KERA: variants seen among roughly 807,000 people sequenced by gnomAD.
KERA encodes the protein keratan sulfate proteoglycan keratocan.
In KERA, 25 loss-of-function variants were observed where a neutral mutation model predicts 26.4. That is an observed-to-expected ratio of 0.95 (90% confidence interval 0.69 to 1.32). The LOEUF is 1.32. KERA is among the 40% of genes most tolerant of loss of function. KERA has a pLI of 0.00. For synonymous variants in KERA, 167 were observed against 146.1 expected (o/e 1.14, Z -1.03); for missense variants, 434 against 408.9 (o/e 1.06, Z -0.53).
At position 91,057,975 on chromosome 12, in the gene KERA, A is replaced by C. The variant is rs886287368; in HGVS notation, c.-240T>G. 6.6e-6 allele frequency: 1 copy of C among 150,938 alleles called. No individual in the cohort carries two copies. Among genetic ancestry groups the C allele is most frequent in the African/African-American group, 2.4e-5 (1 of 41,202 alleles). The allele number at this position is 150,938 out of a possible 1,614,324, so 9.3% of individuals were successfully genotyped here. A position where few individuals can be genotyped will look rare whatever the true frequency, so the allele number is the denominator to read the frequency against. On this transcript the variant is annotated 5_prime_UTR_variant, in exon 1 of 3. Transcript: ENST00000266719. ...AGACTGCTTACCTCAGCCTTCTTGG[A>C]TCTTCTTCTTCCTTTTCTATTGGTC...
chr12:91,054,758 C>T (rs1878948378), intron 2 of KERA, among the ~76,000 whole-genome samples: 1 of 151,240 alleles, frequency 6.6e-6, no homozygotes, highest in Non-Finnish European at 1.5e-5. Context: ...TTAATAAAGC[C>T]TTAAACTATA....
intron 2 of KERA, 47 bp from the exon 3 acceptor site, chr12:91,051,565 A>G: frequency 1.4e-6 from 2 of 1,453,920 alleles, no homozygotes; most frequent in Non-Finnish European, 1.9e-6. Context: ...CACAAGAGAA[A>G]CTAACAGTGG....
rs747414542 is a variant in KERA, at chr12:91,055,746, A to G, written c.536T>C (p.Val179Ala). The G allele has an allele frequency of 1.2e-6, 2 of 1,611,448 alleles. No homozygotes were observed. Among genetic ancestry groups the G allele is most frequent in the South Asian group, 2.2e-5 (2 of 91,030 alleles). The change falls in exon 2 of 3, where the codon GTG (valine) becomes GCG (alanine). Residue 179 changes from valine (V) to alanine (A), a missense_variant. By Grantham distance (64) the Val-to-Ala change is moderately conservative. Coordinates refer to ENST00000266719, the MANE Select transcript of KERA (RefSeq NM_007035.4). ...AGTGTCTCTTTGAAAGGCATTGTCC[A>G]CTAATTTGTTGTTCTGTAGGTCAAG... ...TLLDLQNNKLVDNAFQRDTFK... is the reference protein window; with the variant it reads ...TLLDLQNNKLADNAFQRDTFK...
intron 2 of KERA, among the ~76,000 whole-genome samples, chr12:91,055,114 G>A (rs544578919): frequency 1.5e-4 from 21 of 142,210 alleles, no homozygotes; most frequent in African/African-American, 5.2e-4. Flanking sequence ...ATCTCCTGGA[G>A]TAAAAGAAGA....
chr12:91,054,058 T>A (rs184157501), intron 2 of KERA, among the ~76,000 whole-genome samples: 32 of 151,464 alleles, frequency 2.1e-4, no homozygotes, highest in African/African-American at 7.2e-4. Flanking sequence ...TTCTGTTGCA[T>A]CTTTTGTTTT....
chr12:91,055,701 A>G lies in KERA; in HGVS notation c.581T>C (p.Leu194Pro). 1.2e-6 allele frequency: 2 copies of G among 1,611,388 alleles called. No individual in the cohort carries two copies. Among genetic ancestry groups the G allele is most frequent in the East Asian group, 2.2e-5 (1 of 44,782 alleles). ...ATTCTTGGCCATGTTTAGCTGCATG[A>G]GATTCTTGAGTCCTTTAAAAGTGTC... ...QRDTFKGLKN[L>P]MQLNMAKNAL... Residue 194 changes from leucine to proline, a missense_variant, in exon 2 of 3, where the codon CTC (leucine) becomes CCC (proline). Leu to Pro is a moderately conservative substitution (Grantham distance 98). Coordinates refer to ENST00000266719, the MANE Select transcript of KERA (RefSeq NM_007035.4).
At position 91,053,052 on chromosome 12, in the gene KERA, T is replaced by C. The variant is rs569516468; in HGVS notation, c.887-1534A>G. 6.6e-4 allele frequency among the ~76,000 whole-genome samples: 100 copies of C among 151,590 alleles called. 2 individuals are homozygous for C. In the South Asian group the frequency reaches 0.02, roughly 30 times the overall value. On this transcript the variant is annotated intron_variant, in intron 2 of 2. Coordinates refer to ENST00000266719, the MANE Select transcript of KERA (RefSeq NM_007035.4). ...ATCATATTGCTTAAGACAAGTTCACTGTCTCATAAATTTTGATGTCTTTTC... is the reference window on the plus strand; with the variant it reads ...ATCATATTGCTTAAGACAAGTTCACCGTCTCATAAATTTTGATGTCTTTTC...
rs1012453237 is a variant in KERA at position 91,051,264 on chromosome 12, G to T, written c.*82C>A. On this transcript the variant is annotated 3_prime_UTR_variant, in exon 3 of 3. Transcript: ENST00000266719. ...CCGAGAGCAATGGGGAATATGACTT[G>T]TGTCCTAAACCTATTAATGGTAACC... 1.7e-6 allele frequency: 2 copies of T among 1,148,506 alleles called. No individual in the cohort carries two copies. The highest frequency in any genetic ancestry group is 2.6e-6 in the Non-Finnish European group (2 of 766,326). 71.1% of individuals were successfully genotyped at this position (1,148,506 alleles called of 1,614,324 possible). A position where few individuals can be genotyped will look rare whatever the true frequency, so the allele number is the denominator to read the frequency against.
At position 91,051,380 on chromosome 12, in the gene KERA, G is replaced by A. The variant is rs780346887; in HGVS notation, c.1025C>T (p.Thr342Ile). 4.3e-6 allele frequency: 7 copies of A among 1,611,276 alleles called. No individual in the cohort carries two copies. The highest frequency in any genetic ancestry group is 4.2e-6 in the Non-Finnish European group (5 of 1,178,098). Residue 342 changes from threonine to isoleucine, a missense_variant, in exon 3 of 3, where the codon ACC becomes ATC. Coordinates refer to ENST00000266719, the MANE Select transcript of KERA (RefSeq NM_007035.4). The part of the protein sequence containing the change: ...IKPPIPMALM[T>I]CFRLLQAVII ...GACAGCCTGCAGAAGTCTGAAGCAG[G>A]TCATTAAAGCCATTGGAATTGGTGG...
Position 91,056,041 on chromosome 12 carries a change from T to G in KERA, c.241A>C (p.Asn81His), listed in dbSNP as rs761217146. Residue 81 changes from asparagine (N) to histidine (H), a missense_variant, in exon 2 of 3, where the codon AAC (asparagine) becomes CAC (histidine). Asn to His is a moderately conservative substitution (Grantham distance 68, BLOSUM62 1). Coordinates refer to ENST00000266719, the MANE Select transcript of KERA (RefSeq NM_007035.4). Reference sequence around the variant, plus strand: ...TTTTCAGGAATGGTTTCTATCAGGTTGTTTTGAAGATAAAGATACCAAATT... The same window carrying G: ...TTTTCAGGAATGGTTTCTATCAGGTGGTTTTGAAGATAAAGATACCAAATT... ...SRIWYLYLQN[N>H]LIETIPEKPF... 6.2e-7 allele frequency: 1 copy of G among 1,608,888 alleles called. No individual in the cohort carries two copies. Among genetic ancestry groups the G allele is most frequent in the South Asian group, 1.1e-5 (1 of 90,548 alleles).
intron 1 of KERA, among the ~76,000 whole-genome samples, chr12:91,057,239 C>T (rs1305672267): frequency 6.7e-6 from 1 of 149,974 alleles, no homozygotes; most frequent in African/African-American, 2.4e-5. Flanking sequence ...TTAGCGTTTA[C>T]TAATATTTGA....
chr12:91,053,953 C>T (rs1052803559), intron 2 of KERA, among the ~76,000 whole-genome samples: 1 of 151,320 alleles, frequency 6.6e-6, no homozygotes, highest in African/African-American at 2.4e-5. Context: ...CCTGTAGAAG[C>T]ACAGAACACT....
Position 91,050,916 on chromosome 12 carries a change from A to G in KERA, c.*430T>C, listed in dbSNP as rs1878848855. The G allele has an allele frequency of 5.9e-6, 1 of 168,198 alleles. No individual in the cohort carries two copies. Among genetic ancestry groups the G allele is most frequent in the African/African-American group, 2.4e-5 (1 of 41,576 alleles). 10.4% of individuals were successfully genotyped at this position (168,198 alleles called of 1,614,324 possible). A position where few individuals can be genotyped will look rare whatever the true frequency, so the allele number is the denominator to read the frequency against. ...GTTTTATTATGATTACAATTAAGAA[A>G]TATTTTATTTTCTCATTTTCTTCAG... is the stretch of plus-strand genomic sequence containing the variant. On this transcript the variant is annotated 3_prime_UTR_variant, in exon 3 of 3. Transcript: ENST00000266719.
rs1183267505 is a variant in KERA, at chr12:91,057,869, T to C, written c.-134A>G. 2.6e-5 allele frequency: 4 copies of C among 151,078 alleles called. No homozygotes were observed. The highest frequency in any genetic ancestry group is 5.9e-5 in the Non-Finnish European group (4 of 67,388). 9.4% of individuals were successfully genotyped at this position (151,078 alleles called of 1,614,324 possible). A position where few individuals can be genotyped will look rare whatever the true frequency, so the allele number is the denominator to read the frequency against. On this transcript the variant is annotated 5_prime_UTR_variant, in exon 1 of 3. In the 5' UTR this introduces an upstream ATG that the reference lacks. Transcript: ENST00000266719. Reference sequence around the variant, plus strand: ...TTTTACTTTAAGCTGTCAAGTCGTCTATGAGAAACAGTGAAACCTACTCGT... The same window carrying C: ...TTTTACTTTAAGCTGTCAAGTCGTCCATGAGAAACAGTGAAACCTACTCGT...
intron 2 of KERA, among the ~76,000 whole-genome samples, chr12:91,054,886 C>G (rs551218909): frequency 6.6e-6 from 1 of 151,200 alleles, no homozygotes; most frequent in East Asian, 1.9e-4. Context: ...GAGTCACCAG[C>G]CTTTACACAC....
rs1223956555 is a variant in KERA, at chr12:91,051,517, A to C, written c.888T>G (p.Ser296Arg). 6.2e-7 allele frequency: 1 copy of C among 1,603,974 alleles called. No homozygotes were observed. The highest frequency in any genetic ancestry group is 2.2e-5 in the East Asian group (1 of 44,750). Reference protein sequence around the residue: ...HLHLDHNKIKSVNVSVICPSP... With the variant: ...HLHLDHNKIKRVNVSVICPSP... Reference sequence around the variant, plus strand: ...TGGGACATATTACAGAGACATTCACACCTACAGTGACAAAGAGAATAGATG... The same window carrying C: ...TGGGACATATTACAGAGACATTCACCCCTACAGTGACAAAGAGAATAGATG... The change falls in exon 3 of 3, where the codon AGT becomes AGG. Residue 296 changes from serine to arginine, a missense_variant and splice_region_variant. By Grantham distance (110) the Ser-to-Arg change is moderately radical (BLOSUM62 -1). Transcript: ENST00000266719.
intron 1 of KERA, among the ~76,000 whole-genome samples, chr12:91,056,994 T>TCA (rs1311594707): frequency 7.3e-5 from 11 of 150,910 alleles, no homozygotes; most frequent in African/African-American, 2.2e-4. Context: ...TCTCTCTCTC[T>TCA]CTCAGAGAAT....
Position 91,056,083 on chromosome 12 carries a change from G to C in KERA, c.199C>G (p.Pro67Ala). The change falls in exon 2 of 3, where the codon CCT (proline) becomes GCT (alanine). Residue 67 changes from proline to alanine, a missense_variant. Physicochemically the swap from Pro to Ala is conservative, Grantham distance 27. Coordinates refer to ENST00000266719, the MANE Select transcript of KERA (RefSeq NM_007035.4). Reference protein sequence around the residue: ...YCENRGLKEIPAIPSRIWYLY... With the variant: ...YCENRGLKEIAAIPSRIWYLY... ...TACCAAATTCTTGAAGGAATAGCAG[G>C]AATTTCTTTGAGACCTCTATTTTCA... is the stretch of plus-strand genomic sequence containing the variant. 6.2e-7 allele frequency: 1 copy of C among 1,608,640 alleles called. No individual in the cohort carries two copies. Among genetic ancestry groups the C allele is most frequent in the Non-Finnish European group, 8.5e-7 (1 of 1,177,532 alleles).
intron 2 of KERA, among the ~76,000 whole-genome samples, chr12:91,051,801 TAA>T (rs1878874572): frequency 6.6e-6 from 1 of 151,588 alleles, no homozygotes; most frequent in South Asian, 2.1e-4. Flanking sequence ...CAAATGTGTA[TAA>T]GACGTCACTT....
Sources: gnomAD v4.1 joint callset for allele counts (sites outside exome capture counted in the v4.1 genomes callset) on GRCh38, gnomAD v4.1.1 for gene constraint, MANE v1.5 for transcripts, NCBI Gene and HGNC (gene_info 2026-07-23, HGNC 2026-07-21) for gene names.